Variants in NDUFS4 observed in about 807,000 individuals in gnomAD.
NDUFS4 encodes NADH dehydrogenase [ubiquinone] iron-sulfur protein 4, mitochondrial.
Under a neutral mutation model 24.3 loss-of-function variants are expected in NDUFS4, and 28 were observed. That is an observed-to-expected ratio of 1.15 (90% CI 0.85 to 1.58). The LOEUF is 1.58. Ranked by LOEUF, NDUFS4 falls within the 40% of genes most tolerant of loss-of-function variation. The pLI is 0.00. For missense variants in NDUFS4, 223 were observed against 207.9 expected (o/e 1.07, Z -0.45); for synonymous variants, 93 against 69.7 (o/e 1.34, Z -1.67).
chr5:53,609,886 T>C (rs1750644747), intron 2 of NDUFS4, among the ~76,000 whole-genome samples: 1 of 152,178 alleles, frequency 6.6e-6, no homozygotes. Flanking sequence ...GACTTAGGGC[T>C]CCTGGCTCTA....
chr5:53,658,741 A>G (rs929186762), intron 4 of NDUFS4, 117 bp downstream of exon 4: 1 of 730,064 alleles, frequency 1.4e-6, no homozygotes, highest in African/African-American at 1.9e-5. Context: ...ATTGTATCTA[A>G]TCCAGTGGTT....
chr5:53,594,505 A>G (rs568236149), intron 1 of NDUFS4, among the ~76,000 whole-genome samples: 9 of 152,216 alleles, frequency 5.9e-5, no homozygotes, highest in Non-Finnish European at 1.2e-4. Flanking sequence ...TAATTGGTAT[A>G]TTTAGACTAT....
intron 1 of NDUFS4, among the ~76,000 whole-genome samples, chr5:53,592,757 C>A (rs901817481): frequency 2.0e-5 from 3 of 152,106 alleles, no homozygotes; most frequent in African/African-American, 7.2e-5. Context: ...TACCACAGTC[C>A]TTATTACTAT....
At chr5:53,560,912 T>C in intron 1 of NDUFS4, 152 bp downstream of exon 1, 1 of 1,515,234 alleles carries the variant, frequency 6.6e-7, no homozygotes, top group Non-Finnish European at 8.8e-7. Context: ...GACTGTCTGC[T>C]ATCAATGGGC....
intron 4 of NDUFS4, among the ~76,000 whole-genome samples, chr5:53,673,022 G>A (rs1227047027): frequency 2.6e-5 from 4 of 152,096 alleles, no homozygotes; most frequent in African/African-American, 4.8e-5. Flanking sequence ...AACAAATTAT[G>A]ACTGATAAAC....
intron 2 of NDUFS4, among the ~76,000 whole-genome samples, chr5:53,615,197 T>C (rs2073814278): frequency 6.6e-6 from 1 of 151,906 alleles, no homozygotes; most frequent in South Asian, 2.1e-4. Flanking sequence ...GCTCTTGAAT[T>C]AGCCAGCTTG....
At chr5:53,658,200 A>G (rs1306025084) in intron 3 of NDUFS4, among the ~76,000 whole-genome samples, 2 of 152,200 alleles carry the variant, frequency 1.3e-5, no homozygotes, top group African/African-American at 4.8e-5. Context: ...AGGACTAGCA[A>G]TTTTACACAT....
chr5:53,662,455 C>CTT (rs541466796), intron 4 of NDUFS4, among the ~76,000 whole-genome samples: 1 of 151,808 alleles, frequency 6.6e-6, no homozygotes, highest in African/African-American at 2.4e-5. Flanking sequence ...CTAAAAATCT[C>CTT]TTTTTTTTGT....
chr5:53,578,559 G>T (rs1053964703), intron 1 of NDUFS4, among the ~76,000 whole-genome samples: 5 of 152,086 alleles, frequency 3.3e-5, no homozygotes, highest in African/African-American at 1.2e-4. Context: ...TTGAGTTCCT[G>T]GTCTGATACT....
At chr5:53,566,159 C>T (rs985134955) in intron 1 of NDUFS4, among the ~76,000 whole-genome samples, 24 of 151,894 alleles carry the variant, frequency 1.6e-4, no homozygotes, top group African/African-American at 5.8e-4. Flanking sequence ...GGTGACAGGG[C>T]AAGACTCCAA....
In NDUFS4 at chr5:53,683,239, C is replaced by G. The variant is rs374882076; in HGVS notation, c.*18C>G. The G allele has an allele frequency of 1.3e-6, 2 of 1,499,722 alleles. No homozygotes were observed. The highest frequency in any genetic ancestry group is 2.3e-5 in the East Asian group (1 of 44,232). The allele number at this position is 1,499,722 out of a possible 1,614,324, so 92.9% of individuals were successfully genotyped here. A position where few individuals can be genotyped will look rare whatever the true frequency, so the allele number is the denominator to read the frequency against. Reference sequence around the variant, plus strand: ...CAAAATAGGTTGGCACTGACTATATCTCTGCTTGACTGTGAATAAAGTCAG... The same window carrying G: ...CAAAATAGGTTGGCACTGACTATATGTCTGCTTGACTGTGAATAAAGTCAG... On this transcript the variant is annotated 3_prime_UTR_variant, in exon 5 of 5. Coordinates refer to ENST00000296684, the MANE Select transcript of NDUFS4 (RefSeq NM_002495.4).
At chr5:53,674,115 C>T (rs900442184) in intron 4 of NDUFS4, among the ~76,000 whole-genome samples, 94 of 152,126 alleles carry the variant, frequency 6.2e-4, no homozygotes, top group African/African-American at 2.1e-3. Context: ...TGATACAGGA[C>T]GCTTTAGAAA....
At chr5:53,638,073 A>C (rs747212479) in intron 2 of NDUFS4, among the ~76,000 whole-genome samples, 1 of 152,184 alleles carries the variant, frequency 6.6e-6, no homozygotes, top group Non-Finnish European at 1.5e-5. Context: ...AAATGTTAAC[A>C]TACTAGCCAG....
chr5:53,585,773 ATG>A (rs1749733280), intron 1 of NDUFS4, among the ~76,000 whole-genome samples: 1 of 150,900 alleles, frequency 6.6e-6, no homozygotes, highest in Non-Finnish European at 1.5e-5. Flanking sequence ...TTTTGTGTGT[ATG>A]TGTGTGTATA....
chr5:53,639,088 T>C (rs1435224138), intron 2 of NDUFS4, among the ~76,000 whole-genome samples: 1 of 151,990 alleles, frequency 6.6e-6, no homozygotes, highest in Non-Finnish European at 1.5e-5. Context: ...ATTTACTCTC[T>C]TTTTTCCCAT....
chr5:53,637,095 C>T (rs1049265279), intron 2 of NDUFS4, among the ~76,000 whole-genome samples: 1 of 152,162 alleles, frequency 6.6e-6, no homozygotes, highest in Non-Finnish European at 1.5e-5. Flanking sequence ...TGGAACTTTT[C>T]ATAAGGAGTC....
chr5:53,635,380 C>T (rs1192957070), intron 2 of NDUFS4, among the ~76,000 whole-genome samples: 2 of 151,212 alleles, frequency 1.3e-5, no homozygotes, highest in Non-Finnish European at 2.9e-5. Flanking sequence ...ATTAGCCAGG[C>T]AGGGAGGCAT....
At chr5:53,576,708 A>G (rs1175939714) in intron 1 of NDUFS4, among the ~76,000 whole-genome samples, 2 of 152,216 alleles carry the variant, frequency 1.3e-5, no homozygotes, top group Non-Finnish European at 2.9e-5. Flanking sequence ...TGAGAGTGAG[A>G]TGTAATAAAA....
intron 2 of NDUFS4, among the ~76,000 whole-genome samples, chr5:53,606,308 A>G (rs979286766): frequency 1.5e-4 from 23 of 152,190 alleles, no homozygotes; most frequent in African/African-American, 4.8e-4. Context: ...AGGAGGCCTT[A>G]GGGGACCTTT....
Sources: gnomAD v4.1 joint callset for allele counts (sites outside exome capture counted in the v4.1 genomes callset) on GRCh38, gnomAD v4.1.1 for gene constraint, MANE v1.5 for transcripts, NCBI Gene and HGNC (gene_info 2026-07-23, HGNC 2026-07-21) for gene names.